VEPH1: variants seen among roughly 807,000 people sequenced by gnomAD.
VEPH1 encodes ventricular zone expressed PH domain containing 1.
Under a neutral mutation model 85.2 loss-of-function variants are expected in VEPH1, and 80 were observed. The observed-to-expected ratio is 0.94, with a 90% CI of 0.78 to 1.13. VEPH1 has a LOEUF of 1.13. Ranked by LOEUF, VEPH1 falls within the 50% of genes most tolerant of loss-of-function variation. The pLI is 0.00. For missense variants in VEPH1, 955 were observed against 980.5 expected (o/e 0.97, Z 0.35); for synonymous variants, 297 against 348.0 (o/e 0.85, Z 1.63).
At position 157,420,797 on chromosome 3, in the gene VEPH1, C is replaced by T. The variant is rs146982547; in HGVS notation, c.697-6707G>A. On this transcript the variant is annotated intron_variant, in intron 5 of 13. Coordinates refer to ENST00000362010, the MANE Select transcript of VEPH1 (RefSeq NM_001167912.2). ...TCCTCTGTGTCTGAACATTCATCAC[C>T]GGAAGGCTTCCCTTGCCACTTCCTG... 2.0e-3 allele frequency among the ~76,000 whole-genome samples: 310 copies of T among 152,296 alleles called. 1 individual carries two copies. Among genetic ancestry groups the T allele is most frequent in the African/African-American group, 7.3e-3 (303 of 41,556 alleles).
At chr3:157,327,129 G>A (rs1013789470) in intron 9 of VEPH1, among the ~76,000 whole-genome samples, 7 of 152,056 alleles carry the variant, frequency 4.6e-5, no homozygotes, top group Non-Finnish European at 8.8e-5. Context: ...CCCCTGGACC[G>A]GCCCATGTGT....
At position 157,337,678 on chromosome 3, in the gene VEPH1, A is replaced by AT. The variant is rs1723097773; in HGVS notation, c.1736-20478dup. 3.3e-5 allele frequency among the ~76,000 whole-genome samples: 5 copies of AT among 152,250 alleles called. No individual in the cohort carries two copies. The South Asian group carries it at 1.0e-3, about 32-fold the overall frequency. Reference sequence around the variant, plus strand: ...ATCGGGGAAAAATACCTTCACTAGAATTTTTTTCCACCAGGAAATGGATTA... The same window carrying AT: ...ATCGGGGAAAAATACCTTCACTAGAATTTTTTTTCCACCAGGAAATGGATTA... On this transcript the variant is annotated intron_variant, in intron 9 of 13. Transcript: ENST00000362010.
intron 6 of VEPH1, among the ~76,000 whole-genome samples, chr3:157,403,351 T>G (rs1730910874): frequency 6.6e-6 from 1 of 152,184 alleles, no homozygotes; most frequent in South Asian, 2.1e-4. Context: ...AGGAACACCC[T>G]CTCCCTTTAT....
At chr3:157,442,362 C>G in intron 4 of VEPH1, 3 of 1,599,416 alleles carry the variant, frequency 1.9e-6, no homozygotes, top group African/African-American at 2.7e-5. Context: ...TCTTGCTACT[C>G]TAGGTTGTGA....
At chr3:157,294,048 C>A (rs1460420640) in intron 11 of VEPH1, among the ~76,000 whole-genome samples, 1 of 152,102 alleles carries the variant, frequency 6.6e-6, no homozygotes, top group South Asian at 2.1e-4. Flanking sequence ...TTACTGCCAC[C>A]TACATTCAAC....
chr3:157,480,463 T>A (rs1737931623), intron 2 of VEPH1, among the ~76,000 whole-genome samples: 1 of 152,086 alleles, frequency 6.6e-6, no homozygotes, highest in Non-Finnish European at 1.5e-5. Context: ...TCCCTCCCTC[T>A]TTCTCTAGTC....
In VEPH1 at chr3:157,288,674, G is replaced by A. The variant is rs562448172; in HGVS notation, c.2011-2000C>T. ...ACACTCCCTGGAACATAAACACAATGAGGACAGATATTTTGTCTGTTGTGT... is the reference window on the plus strand; with the variant it reads ...ACACTCCCTGGAACATAAACACAATAAGGACAGATATTTTGTCTGTTGTGT... On this transcript the variant is annotated intron_variant, in intron 11 of 13. Transcript: ENST00000362010. Among the ~76,000 whole-genome samples the A allele has an allele frequency of 4.8e-4, 73 of 152,360 alleles. No homozygotes were observed. In the Middle Eastern group the frequency reaches 0.014, roughly 28 times the overall value.
chr3:157,296,407 CTGCGTGTGTA>C (rs1438564322), intron 11 of VEPH1, among the ~76,000 whole-genome samples: 1 of 152,166 alleles, frequency 6.6e-6, no homozygotes, highest in Non-Finnish European at 1.5e-5. Flanking sequence ...AAGAAAGGTT[CTGCGTGTGTA>C]TGCGTGTGTG....
chr3:157,412,455 T>C (rs1394884867), intron 6 of VEPH1, among the ~76,000 whole-genome samples: 1 of 152,180 alleles, frequency 6.6e-6, no homozygotes, highest in Non-Finnish European at 1.5e-5. Context: ...AAGAGTTCAC[T>C]TTTTAAAGAT....
At chr3:157,319,861 AAGAG>A (rs1721176375) in intron 9 of VEPH1, among the ~76,000 whole-genome samples, 1 of 152,214 alleles carries the variant, frequency 6.6e-6, no homozygotes, top group Non-Finnish European at 1.5e-5. Flanking sequence ...AAAGTAGTAT[AAGAG>A]AGAGATTCTT....
chr3:157,261,046 G>T lies in VEPH1; in HGVS notation c.*88C>A. 1 of 1,533,834 alleles carries T rather than the reference G, an allele frequency of 6.5e-7. No individual in the cohort carries two copies. On this transcript the variant is annotated 3_prime_UTR_variant, in exon 14 of 14. Transcript: ENST00000362010. ...TTGGTATTTAGTAAAAAACAACATGGCTTGGTAAATTTAGCTCTTTTTCTT... is the reference window on the plus strand; with the variant it reads ...TTGGTATTTAGTAAAAAACAACATGTCTTGGTAAATTTAGCTCTTTTTCTT...
chr3:157,453,578 G>C (rs1349884829), intron 4 of VEPH1, among the ~76,000 whole-genome samples: 1 of 152,084 alleles, frequency 6.6e-6, no homozygotes, highest in Non-Finnish European at 1.5e-5. Flanking sequence ...TTTTATAGAA[G>C]TAGAAACATG....
chr3:157,402,994 C>G (rs909434806), intron 6 of VEPH1, among the ~76,000 whole-genome samples: 8 of 152,118 alleles, frequency 5.3e-5, no homozygotes, highest in African/African-American at 1.7e-4. Flanking sequence ...TTCCTAAGCC[C>G]TACTCACTAC....
At chr3:157,467,999 A>AC (rs912337313) in intron 3 of VEPH1, among the ~76,000 whole-genome samples, 1 of 152,238 alleles carries the variant, frequency 6.6e-6, no homozygotes, top group Non-Finnish European at 1.5e-5. Flanking sequence ...TCAGAATAAA[A>AC]CATCCCATCT....
chr3:157,493,572 G>T (rs985314632), intron 2 of VEPH1, among the ~76,000 whole-genome samples: 1 of 152,224 alleles, frequency 6.6e-6, no homozygotes, highest in Admixed American at 6.5e-5. Context: ...GAAGAAGTAA[G>T]ATGTGGTAAA....
chr3:157,469,317 C>T (rs189908130), intron 3 of VEPH1, among the ~76,000 whole-genome samples: 1 of 152,084 alleles, frequency 6.6e-6, no homozygotes, highest in South Asian at 2.1e-4. Flanking sequence ...TCATAAACAA[C>T]TGTGGGAAAA....
intron 7 of VEPH1, among the ~76,000 whole-genome samples, chr3:157,372,295 A>T (rs912099033): frequency 2.6e-5 from 4 of 152,214 alleles, no homozygotes; most frequent in African/African-American, 9.6e-5. Flanking sequence ...GAAATGGAGG[A>T]TATACTTAAT....
At chr3:157,367,861 C>T (rs185310629) in intron 7 of VEPH1, among the ~76,000 whole-genome samples, 1 of 152,198 alleles carries the variant, frequency 6.6e-6, no homozygotes, top group Admixed American at 6.5e-5. Flanking sequence ...GAAAATTTCT[C>T]ATGAATTTAT....
chr3:157,323,265 T>C (rs1480206202), intron 9 of VEPH1, among the ~76,000 whole-genome samples: 3 of 152,212 alleles, frequency 2.0e-5, no homozygotes, highest in Non-Finnish European at 4.4e-5. Context: ...AAAATAATAA[T>C]GAATTTGAAA....
Sources: allele counts gnomAD v4.1 joint callset (sites outside exome capture counted in the v4.1 genomes callset), GRCh38; gene constraint gnomAD v4.1.1; transcripts MANE v1.5; gene names NCBI Gene and HGNC (gene_info 2026-07-23, HGNC 2026-07-21).